The following HACE1 variants were observed in gnomAD, a reference collection of about 807,000 sequenced individuals.
The protein encoded by HACE1 is E3 ubiquitin-protein ligase HACE1.
HACE1 carries 73 observed loss-of-function variants against 118.4 expected under a neutral mutation model. The observed-to-expected ratio is 0.62, with a 90% CI of 0.51 to 0.75. The LOEUF is 0.75. Among genes scored for constraint, HACE1 ranks in the 30% least tolerant of loss-of-function variants. The pLI is 0.00. For missense variants in HACE1, 749 were observed against 1,102.2 expected (o/e 0.68, Z 4.54); for synonymous variants, 368 against 374.8 (o/e 0.98, Z 0.21).
At chr6:104,818,039 T>A (rs537805610) in intron 6 of HACE1, among the ~76,000 whole-genome samples, 22 of 152,204 alleles carry the variant, frequency 1.4e-4, no homozygotes, top group Non-Finnish European at 3.2e-4. Context: ...AGCATTCTTA[T>A]CAGAAGATTT....
At chr6:104,852,911 A>T (rs1418138310) in intron 1 of HACE1, among the ~76,000 whole-genome samples, 1 of 152,186 alleles carries the variant, frequency 6.6e-6, no homozygotes, top group Admixed American at 6.5e-5. Flanking sequence ...AAAAGAAATT[A>T]GTTTAGAAGC....
chr6:104,840,126 G>A (rs1263309852), intron 5 of HACE1, among the ~76,000 whole-genome samples: 2 of 152,092 alleles, frequency 1.3e-5, no homozygotes, highest in Non-Finnish European at 2.9e-5. Flanking sequence ...AGGAAACTCG[G>A]CAAAAAGTGC....
At chr6:104,834,142 A>G (rs1582703139) in intron 5 of HACE1, among the ~76,000 whole-genome samples, 1 of 151,520 alleles carries the variant, frequency 6.6e-6, no homozygotes, top group East Asian at 1.9e-4. Flanking sequence ...ATGACAACCT[A>G]TTTCCAAAAA....
At position 104,785,214 on chromosome 6, in the gene HACE1, T is replaced by G; in HGVS notation, c.1180A>C (p.Lys394Gln). ...DSTEITSILL[K>Q]QKGQDQDAAS... The stretch of plus-strand genomic sequence containing the variant: ...GCATCTTGATCTTGGCCTTTTTGTT[T>G]CAGTAAAATAGAAGTGATCTCTGTT... Residue 394 changes from lysine (K) to glutamine (Q), a missense_variant, in exon 12 of 24, where the codon AAA (lysine) becomes CAA (glutamine). Coordinates refer to ENST00000262903, the MANE Select transcript of HACE1 (RefSeq NM_020771.4). 2 of 1,613,682 alleles carry G rather than the reference T, an allele frequency of 1.2e-6. No individual in the cohort carries two copies. Among genetic ancestry groups the G allele is most frequent in the Non-Finnish European group, 1.7e-6 (2 of 1,179,614 alleles).
chr6:104,776,556 G>A (rs956619729), intron 17 of HACE1, among the ~76,000 whole-genome samples, 185 bp downstream of exon 17: 2 of 152,188 alleles, frequency 1.3e-5, no homozygotes, highest in African/African-American at 4.8e-5. Context: ...TTCCACTTAT[G>A]ATTCTACTAC....
Position 104,808,319 on chromosome 6 carries a change from G to A in HACE1, c.617+2992C>T, listed in dbSNP as rs537393181. On this transcript the variant is annotated intron_variant, in intron 7 of 23. Transcript: ENST00000262903. ...TGAAAGAAGTATGTCAGAACTTAGT[G>A]AGCACCTATCAACTACTAAGTGTTG... Among the ~76,000 whole-genome samples, 13 of 152,260 alleles carry A rather than the reference G, an allele frequency of 8.5e-5. No homozygotes were observed. In the East Asian group the frequency reaches 2.3e-3, roughly 27 times the overall value.
intron 11 of HACE1, 34 bp downstream of exon 11, chr6:104,791,470 C>G: frequency 1.3e-6 from 2 of 1,568,468 alleles, no homozygotes; most frequent in South Asian, 2.2e-5. Flanking sequence ...TCTTTTACGT[C>G]TATCTTCCTA....
intron 20 of HACE1, among the ~76,000 whole-genome samples, chr6:104,746,823 C>T (rs768442356): frequency 1.3e-5 from 2 of 152,174 alleles, no homozygotes; most frequent in African/African-American, 4.8e-5. Flanking sequence ...ACAGGCTTTA[C>T]GCATGTCTTA....
intron 11 of HACE1, among the ~76,000 whole-genome samples, chr6:104,788,153 T>C (rs1782638861): frequency 1.3e-5 from 2 of 152,100 alleles, no homozygotes; most frequent in African/African-American, 4.8e-5. Context: ...AAATAAACCA[T>C]TGCATACTAT....
chr6:104,729,785 A>G lies in HACE1; in HGVS notation c.2628-21T>C, dbSNP rs1775006520. 4 of 964,140 alleles carry G rather than the reference A, an allele frequency of 4.1e-6. No homozygotes were observed. In the South Asian group the frequency reaches 5.1e-5, roughly 12 times the overall value. 59.7% of individuals were successfully genotyped at this position (964,140 alleles called of 1,614,324 possible). A position where few individuals can be genotyped will look rare whatever the true frequency, so the allele number is the denominator to read the frequency against. ...TGATGCTTTAAAAGAAAAATATACCACCATTAAACAGGAAATCTATAAAAT... is the reference window on the plus strand; with the variant it reads ...TGATGCTTTAAAAGAAAAATATACCGCCATTAAACAGGAAATCTATAAAAT... On this transcript the variant is annotated intron_variant, in intron 23 of 23. Coordinates refer to ENST00000262903, the MANE Select transcript of HACE1 (RefSeq NM_020771.4).
intron 1 of HACE1, among the ~76,000 whole-genome samples, chr6:104,856,136 A>G (rs1337093395): frequency 6.6e-6 from 1 of 152,184 alleles, no homozygotes; most frequent in Non-Finnish European, 1.5e-5. Context: ...AGGATTAGGT[A>G]TATAATTAAA....
chr6:104,782,929 A>T (rs745607210), intron 14 of HACE1, among the ~76,000 whole-genome samples: 8 of 152,186 alleles, frequency 5.3e-5, no homozygotes, highest in Non-Finnish European at 1.0e-4. Context: ...TTATTTTCTA[A>T]AACTTTGCCA....
intron 5 of HACE1, among the ~76,000 whole-genome samples, chr6:104,836,946 T>C (rs1001660729): frequency 1.1e-4 from 17 of 152,162 alleles, no homozygotes; most frequent in Admixed American, 5.2e-4. Flanking sequence ...TACCAAAACA[T>C]GCACAAAATC....
chr6:104,823,423 C>T (rs905906663), intron 6 of HACE1, among the ~76,000 whole-genome samples: 44 of 149,772 alleles, frequency 2.9e-4, no homozygotes, highest in Non-Finnish European at 4.6e-4. Context: ...CACAGCGAGA[C>T]TCTGTCTCAA....
Position 104,850,895 on chromosome 6 carries a change from CT to C in HACE1, c.221+11del. ...TAGATCAGAGTTTAACTCAAAATAT[CT>C]TTAGTCTTACTTTGCTGCAATGTGA... On this transcript the variant is annotated intron_variant, in intron 3 of 23. Transcript: ENST00000262903. The C allele has an allele frequency of 6.7e-7, 1 of 1,502,342 alleles. No homozygotes were observed. Among genetic ancestry groups the C allele is most frequent in the Non-Finnish European group, 9.3e-7 (1 of 1,078,048 alleles). 93.1% of individuals were successfully genotyped at this position (1,502,342 alleles called of 1,614,324 possible). A position where few individuals can be genotyped will look rare whatever the true frequency, so the allele number is the denominator to read the frequency against.
intron 22 of HACE1, chr6:104,731,229 G>A (rs1354514071): frequency 6.6e-6 from 1 of 151,962 alleles, no homozygotes; most frequent in Admixed American, 6.6e-5. Context: ...TTTAAAATGA[G>A]GTGCTGTAGT....
intron 19 of HACE1, among the ~76,000 whole-genome samples, chr6:104,754,039 C>T (rs1284987595): frequency 6.6e-6 from 1 of 152,148 alleles, no homozygotes; most frequent in Non-Finnish European, 1.5e-5. Flanking sequence ...ACAGCCACAA[C>T]AGTCAGTTTA....
intron 6 of HACE1, among the ~76,000 whole-genome samples, chr6:104,830,831 T>TG (rs1389814683): frequency 2.0e-5 from 3 of 146,666 alleles, no homozygotes; most frequent in African/African-American, 7.8e-5. Context: ...CAGACCAGCA[T>TG]GGGGGTTGTG....
chr6:104,771,224 C>G lies in HACE1; in HGVS notation c.2180G>C (p.Gly727Ala). The change falls in exon 19 of 24, where the codon GGT becomes GCT. Residue 727 changes from glycine to alanine, a missense_variant. This residue lies in a region of HACE1 where 165 missense variants were observed against 229.9 expected (regional missense o/e 0.72). Transcript: ENST00000262903. Reference sequence around the variant, plus strand: ...ATTTTGTGTCACAAGAATACTCCCACCCCCAGGTTTCAAAGGCACCTCTTC... The same window carrying G: ...ATTTTGTGTCACAAGAATACTCCCAGCCCCAGGTTTCAAAGGCACCTCTTC... ...AMEEVPLKPGGGSILVTQNNK... is the reference protein window; with the variant it reads ...AMEEVPLKPGAGSILVTQNNK... 6.2e-7 allele frequency: 1 copy of G among 1,613,004 alleles called. No individual in the cohort carries two copies. The highest frequency in any genetic ancestry group is 8.5e-7 in the Non-Finnish European group (1 of 1,179,034).
Sources: gnomAD v4.1 joint callset for allele counts (sites outside exome capture counted in the v4.1 genomes callset) on GRCh38, gnomAD v4.1.1 for gene constraint, gnomAD v4.1.1 regional missense constraint, MANE v1.5 for transcripts, NCBI Gene and HGNC (gene_info 2026-07-23, HGNC 2026-07-21) for gene names.